DLG3: variants seen among roughly 807,000 people sequenced by gnomAD.
The protein encoded by DLG3 is discs large MAGUK scaffold protein 3.
DLG3 carries 1 observed loss-of-function variant against 64.1 expected under a neutral mutation model. The observed-to-expected ratio is 0.02, with a 90% CI of 0.01 to 0.07. The LOEUF (loss-of-function observed/expected upper bound fraction) is 0.07. Among genes scored for constraint, DLG3 ranks in the 10% least tolerant of loss-of-function variants. The probability of loss-of-function intolerance (pLI) is 1.00; values close to 1 mark genes in which losing one functional copy is unlikely to be tolerated. For missense variants in DLG3, 429 were observed against 669.5 expected, an observed-to-expected ratio of 0.64 and a Z score of 3.96; for synonymous variants, 245 against 259.8, an observed-to-expected ratio of 0.94 and a Z score of 0.55.
chrX:70,479,806 G>C (rs141806802), intron 10 of DLG3, among the ~76,000 whole-genome samples: 1,528 of 111,379 alleles, frequency 0.014, 25 homozygotes, highest in African/African-American at 0.048. Flanking sequence ...ATCATGGGAT[G>C]TATAGTGTAT....
intron 9 of DLG3, among the ~76,000 whole-genome samples, chrX:70,459,105 C>G (rs1264199981): frequency 9.0e-6 from 1 of 111,611 alleles, no homozygotes; most frequent in Non-Finnish European, 1.9e-5. Context: ...CTTGAAAGCC[C>G]TTTTGTTTTT....
chrX:70,448,563 T>C (rs1235052212), intron 1 of DLG3: 1 of 1,162,522 alleles, frequency 8.6e-7, no homozygotes, highest in African/African-American at 1.8e-5. Flanking sequence ...ATGCTCCATC[T>C]CTGCCATCCC....
chrX:70,449,053 T>TG (rs1036038259), intron 2 of DLG3, 90 bp downstream of exon 2: 44 of 1,006,474 alleles, frequency 4.4e-5, no homozygotes, highest in South Asian at 3.6e-4. Flanking sequence ...TCAAGACCCA[T>TG]GGGGGGACCT....
At position 70,445,182 on chromosome X, in the gene DLG3, G is replaced by A. The variant is rs1001042267; in HGVS notation, c.-20G>A. The A allele has an allele frequency of 8.8e-6, 10 of 1,132,421 alleles. No individual in the cohort carries two copies. Among genetic ancestry groups the A allele is most frequent in the Non-Finnish European group, 1.1e-5 (9 of 851,179 alleles). The allele number at this position is 1,132,421 out of a possible 1,213,427, so 93.3% of individuals were successfully genotyped here. ...GAATCCGGCGTGGGCTGGGGGGTCCGAGCCGCGGGGGGCAGTGCCATGCAC... is the reference window on the plus strand; with the variant it reads ...GAATCCGGCGTGGGCTGGGGGGTCCAAGCCGCGGGGGGCAGTGCCATGCAC... On this transcript the variant is annotated 5_prime_UTR_variant, in exon 1 of 19. Coordinates refer to ENST00000374360, the MANE Select transcript of DLG3 (RefSeq NM_021120.4).
In DLG3 at chrX:70,497,691, C is replaced by A. The variant is rs148647853; in HGVS notation, c.1820-829C>A. 3.1e-3 allele frequency among the ~76,000 whole-genome samples: 352 copies of A among 112,181 alleles called. 3 individuals carry two copies. Among genetic ancestry groups the A allele is most frequent in the Admixed American group, 0.022 (234 of 10,619 alleles). Reference sequence around the variant, plus strand: ...TCCTTGGGAGATCCTGTGACCAGACCAGAGAAACCGTAATTCAAACCTCAT... The same window carrying A: ...TCCTTGGGAGATCCTGTGACCAGACAAGAGAAACCGTAATTCAAACCTCAT... On this transcript the variant is annotated intron_variant, in intron 13 of 18. Coordinates refer to ENST00000374360, the MANE Select transcript of DLG3 (RefSeq NM_021120.4).
rs1379273161 is a variant in DLG3, at chrX:70,453,781, C to T, written c.1290C>T (p.Asp430=). 2 of 1,195,514 alleles carry T rather than the reference C, an allele frequency of 1.7e-6. No individual in the cohort carries two copies. The highest frequency in any genetic ancestry group is 4.5e-5 in the Admixed American group (2 of 44,675). ...TGAGTGGGGAGCTGCGCAGGGGAGACCGGATCTTATCGGTGAGGAGACAAA... is the reference window on the plus strand; with the variant it reads ...TGAGTGGGGAGCTGCGCAGGGGAGATCGGATCTTATCGGTGAGGAGACAAA... The part of the protein sequence containing the change: ...ADLSGELRRG[D]RILSVNGVNL... The change falls in exon 8 of 19, where the codon GAC becomes GAT. Residue 430 remains aspartate, a synonymous_variant. Coordinates refer to ENST00000374360, the MANE Select transcript of DLG3 (RefSeq NM_021120.4).
chrX:70,469,452 T>C (rs2147817691), intron 9 of DLG3, among the ~76,000 whole-genome samples: 1 of 109,426 alleles, frequency 9.1e-6, no homozygotes, highest in East Asian at 2.9e-4. Context: ...CTTTCTTTTT[T>C]TTTTTTTTAA....
chrX:70,460,392 G>A (rs1338203107), intron 9 of DLG3, among the ~76,000 whole-genome samples: 6 of 111,397 alleles, frequency 5.4e-5, no homozygotes, highest in Non-Finnish European at 1.1e-4. Flanking sequence ...GAAGCCTGAG[G>A]GAGATCCCTT....
intron 11 of DLG3, 59 bp from the exon 12 acceptor site, chrX:70,492,462 A>C: frequency 8.6e-7 from 1 of 1,162,126 alleles, no homozygotes; most frequent in South Asian, 1.8e-5. Flanking sequence ...TGCCTGCTGC[A>C]ACCCACTGCT....
At chrX:70,494,878 T>G (rs1248255181) in intron 12 of DLG3, among the ~76,000 whole-genome samples, 2 of 112,377 alleles carry the variant, frequency 1.8e-5, no homozygotes, top group Non-Finnish European at 3.8e-5. Flanking sequence ...TTGAACAGAG[T>G]GAATCAGTAT....
intron 9 of DLG3, among the ~76,000 whole-genome samples, chrX:70,467,847 T>C (rs1237096557): frequency 1.8e-5 from 2 of 111,794 alleles, no homozygotes; most frequent in Non-Finnish European, 3.8e-5. Context: ...GGCTTATGGG[T>C]TGCAAGAGCC....
At chrX:70,462,661 T>G (rs2086826088) in intron 9 of DLG3, among the ~76,000 whole-genome samples, 1 of 112,088 alleles carries the variant, frequency 8.9e-6, no homozygotes, top group Non-Finnish European at 1.9e-5. Context: ...TTCCACCTTT[T>G]GACTATTGTG....
chrX:70,469,458 T>C (rs2086934746), intron 9 of DLG3, among the ~76,000 whole-genome samples: 1 of 109,201 alleles, frequency 9.2e-6, no homozygotes, highest in Non-Finnish European at 1.9e-5. Flanking sequence ...TTTTTTTTTT[T>C]TTAAGATGGT....
intron 13 of DLG3, among the ~76,000 whole-genome samples, chrX:70,496,376 T>C (rs1956760024): frequency 8.9e-6 from 1 of 112,045 alleles, no homozygotes; most frequent in African/African-American, 3.2e-5. Flanking sequence ...CTCCATAGTT[T>C]GGTGTGTCCA....
chrX:70,473,157 C>CAAAAA (rs59440260), intron 9 of DLG3, among the ~76,000 whole-genome samples: 1 of 42,169 alleles, frequency 2.4e-5, no homozygotes, highest in Admixed American at 2.9e-4. Flanking sequence ...AACTCCGTCT[C>CAAAAA]AAAAAAAAAA....
At chrX:70,445,725 T>C (rs2086559595) in intron 1 of DLG3, among the ~76,000 whole-genome samples, 167 bp downstream of exon 1, 1 of 107,604 alleles carries the variant, frequency 9.3e-6, no homozygotes, top group African/African-American at 3.4e-5. Flanking sequence ...TGTGGTTCCC[T>C]GTGTGTGTCT....
At chrX:70,487,639 C>G (rs1351943154) in intron 10 of DLG3, among the ~76,000 whole-genome samples, 3 of 111,538 alleles carry the variant, frequency 2.7e-5, no homozygotes, top group African/African-American at 9.8e-5. Context: ...ACACATACTC[C>G]GTATAAAGAA....
In DLG3 at chrX:70,479,126, T is replaced by C. The variant is rs779535519; in HGVS notation, c.1406-24T>C. The C allele has an allele frequency of 3.4e-6, 4 of 1,177,590 alleles. No homozygotes were observed. In the Admixed American group the frequency reaches 8.7e-5, roughly 26 times the overall value. ...GCTCCTTGAGTTCATTCTTTTCCCATCTTTTCCCTTGTTTCCGTGACAGAA... is the reference window on the plus strand; with the variant it reads ...GCTCCTTGAGTTCATTCTTTTCCCACCTTTTCCCTTGTTTCCGTGACAGAA... On this transcript the variant is annotated intron_variant, in intron 9 of 18. Transcript: ENST00000374360.
intron 9 of DLG3, among the ~76,000 whole-genome samples, chrX:70,470,150 A>G (rs1337594397): frequency 8.9e-6 from 1 of 112,043 alleles, no homozygotes; most frequent in African/African-American, 3.2e-5. Flanking sequence ...TTTTATTTGC[A>G]TCTTCTGATT....
Sources: allele counts gnomAD v4.1 joint callset (sites outside exome capture counted in the v4.1 genomes callset), GRCh38; gene constraint gnomAD v4.1.1; transcripts MANE v1.5; gene names NCBI Gene and HGNC (gene_info 2026-07-23, HGNC 2026-07-21).